Variants in ZNF574 observed in about 807,000 individuals in gnomAD.
The protein encoded by ZNF574 is zinc finger protein 574.
ZNF574 carries 25 observed loss-of-function variants against 56.6 expected under a neutral mutation model. The observed-to-expected ratio is 0.44, with a 90% CI of 0.32 to 0.62. The LOEUF (loss-of-function observed/expected upper bound fraction) is 0.62. Ranked by LOEUF, ZNF574 falls within the 20% of genes least tolerant of loss-of-function variation. ZNF574 has a pLI of 0.04. For missense variants in ZNF574, 1,065 were observed against 1,218.9 expected (o/e 0.87, Z 1.88); for synonymous variants, 543 against 492.1 (o/e 1.10, Z -1.37).
At chr19:42,078,457 C>A in intron 1 of ZNF574, 130 bp from the exon 2 acceptor site, 1 of 799,912 alleles carries the variant, frequency 1.3e-6, no homozygotes, top group Non-Finnish European at 2.0e-6. Flanking sequence ...GGGAGGGAGG[C>A]AGAATTTTAA....
In ZNF574 at chr19:42,069,083, G is replaced by A. The variant is rs2076385395; in HGVS notation, c.250+122G>A. On this transcript the variant is annotated intron_variant, in intron 1 of 1. Transcript: ENST00000222339. ...TGAGAAGAGGTCGAGGTGAATGGAC[G>A]CTGAGGAGATGGAGGGCGCAGAGCA... 5 of 455,242 alleles carry A rather than the reference G, an allele frequency of 1.1e-5. No individual in the cohort carries two copies. The South Asian group carries it at 1.3e-4, about 12-fold the overall frequency. 28.2% of individuals were successfully genotyped at this position (455,242 alleles called of 1,614,324 possible).
chr19:42,072,393 C>G (rs191141441), upstream of ZNF574, among the ~76,000 whole-genome samples: 2 of 151,628 alleles, frequency 1.3e-5, no homozygotes, highest in Non-Finnish European at 2.9e-5. Flanking sequence ...CACCACCACA[C>G]CCGGCTAACT....
At position 42,080,394 on chromosome 19, in the gene ZNF574, G is replaced by A; in HGVS notation, c.1788G>A (p.Met596Ile). Reference sequence around the variant, plus strand: ...TTCACCGTCCTTACCGCCTGCTCATGCACCGCTACCATCACACAGGTGAAT... The same window carrying A: ...TTCACCGTCCTTACCGCCTGCTCATACACCGCTACCATCACACAGGTGAAT... ...VRFHRPYRLLMHRYHHTGEYP... is the reference protein window; with the variant it reads ...VRFHRPYRLLIHRYHHTGEYP... The change falls in exon 2 of 2, where the codon ATG becomes ATA. Residue 596 changes from methionine (M) to isoleucine (I), a missense_variant. Met to Ile is a conservative substitution (Grantham distance 10). Coordinates refer to ENST00000359044, the MANE Select transcript of ZNF574 (RefSeq NM_022752.6). This position sits in a 1 kb window ranked among gnomAD's most constrained non-coding sequence, Gnocchi z 8.5. 1.2e-6 allele frequency: 2 copies of A among 1,614,242 alleles called. No individual in the cohort carries two copies. The highest frequency in any genetic ancestry group is 1.7e-6 in the Non-Finnish European group (2 of 1,180,036).
In ZNF574 at chr19:42,079,521, C is replaced by T; in HGVS notation, c.915C>T (p.Ala305=). Residue 305 remains alanine (A), a synonymous_variant, in exon 2 of 2, where the codon GCC becomes GCT. Coordinates refer to ENST00000359044, the MANE Select transcript of ZNF574 (RefSeq NM_022752.6). This position sits in a 1 kb window ranked among gnomAD's most constrained non-coding sequence, Gnocchi z 4.3. Reference sequence around the variant, plus strand: ...ACAGTGGAGAAGCAGGCGGGGCAGCCACACAGGAGCTCTTCTGCTCAGCCT... The same window carrying T: ...ACAGTGGAGAAGCAGGCGGGGCAGCTACACAGGAGCTCTTCTGCTCAGCCT... The part of the protein sequence containing the change: ...RNNSGEAGGA[A]TQELFCSACD... 6.2e-7 allele frequency: 1 copy of T among 1,614,006 alleles called. No individual in the cohort carries two copies. Among genetic ancestry groups the T allele is most frequent in the Non-Finnish European group, 8.5e-7 (1 of 1,180,030 alleles).
chr19:42,075,073 T>C (rs2076446760), upstream of ZNF574: 1 of 151,772 alleles, frequency 6.6e-6, no homozygotes, highest in African/African-American at 2.4e-5. Flanking sequence ...TTAGTAAAGA[T>C]GGTAGTTTCA....
chr19:42,080,439 G>A lies in ZNF574; in HGVS notation c.1833G>A (p.Glu611=), dbSNP rs746120157. 5.6e-6 allele frequency: 9 copies of A among 1,614,238 alleles called. No individual in the cohort carries two copies. The highest frequency in any genetic ancestry group is 7.6e-6 in the Non-Finnish European group (9 of 1,180,048). ...GTGAATACCCCTACAAGTGTCGCGA[G>A]TGCCCCCGCTCCTTCTTGCTGCGTC... ...HTGEYPYKCR[E]CPRSFLLRRL... Residue 611 remains glutamate (E), a synonymous_variant, in exon 2 of 2, where the codon GAG becomes GAA. Transcript: ENST00000359044. This position sits in a 1 kb window ranked among gnomAD's most constrained non-coding sequence, Gnocchi z 8.5.
intron 1 of ZNF574, among the ~76,000 whole-genome samples, chr19:42,078,250 T>C (rs2076469285): frequency 1.3e-5 from 2 of 151,898 alleles, no homozygotes; most frequent in African/African-American, 4.8e-5. Flanking sequence ...GAGTGGAGGT[T>C]CCCATGTGCT....
intron 1 of ZNF574, among the ~76,000 whole-genome samples, chr19:42,077,986 A>G (rs1599875697): frequency 6.6e-6 from 1 of 152,204 alleles, no homozygotes; most frequent in Non-Finnish European, 1.5e-5. Context: ...GTTGGTGGGT[A>G]GCAGGGGTTG....
upstream of ZNF574, among the ~76,000 whole-genome samples, chr19:42,074,111 C>T (rs1360161479): frequency 7.0e-6 from 1 of 142,576 alleles, no homozygotes; most frequent in East Asian, 2.0e-4. Flanking sequence ...CCAGCCTGGG[C>T]GGTGGGCGAC....
upstream of ZNF574, among the ~76,000 whole-genome samples, chr19:42,075,738 G>A (rs1475116832): frequency 6.6e-6 from 1 of 151,894 alleles, no homozygotes; most frequent in Non-Finnish European, 1.5e-5. Context: ...AAGGTGCCGC[G>A]TGCCTCAATT....
At chr19:42,069,147 C>T (rs1039230387) in intron 1 of ZNF574, 6 of 402,142 alleles carry the variant, frequency 1.5e-5, no homozygotes, top group South Asian at 9.7e-5. Context: ...GTCCGGAGAA[C>T]GGGGAGAATG....
At chr19:42,075,395 C>T (rs975167809), upstream of ZNF574, 1 of 152,334 alleles carries the variant, frequency 6.6e-6, no homozygotes, top group Non-Finnish European at 1.5e-5. Flanking sequence ...CCTTCAGGTC[C>T]TCTACCCACC....
chr19:42,076,694 G>T (rs1021600200), intron 1 of ZNF574, among the ~76,000 whole-genome samples: 9 of 152,218 alleles, frequency 5.9e-5, no homozygotes, highest in African/African-American at 1.2e-4. Flanking sequence ...TAGGGGCTTA[G>T]GGCGTGAGAA....
chr19:42,079,904 G>A lies in ZNF574; in HGVS notation c.1298G>A (p.Gly433Asp), dbSNP rs149107921. 914 of 1,613,822 alleles carry A rather than the reference G, an allele frequency of 5.7e-4. 3 individuals are homozygous for A. The highest frequency in any genetic ancestry group is 7.3e-4 in the Non-Finnish European group (867 of 1,180,014). The change falls in exon 2 of 2, where the codon GGT (glycine) becomes GAT (aspartate). Residue 433 changes from glycine to aspartate, a missense_variant. Transcript: ENST00000359044. The surrounding 1 kb of genome is among the most constrained non-coding windows in gnomAD (Gnocchi z 4.3). ...GTCCCACCAGAGGAACCTGTCATTG[G>A]TTTCCCTGAGCCAGCCCCAGCAGAG... ...TPVPPEEPVI[G>D]FPEPAPAETG...
rs1244587159 is a variant in ZNF574 at position 42,081,130 on chromosome 19, A to C, written c.2524A>C (p.Lys842Gln). 6.2e-7 allele frequency: 1 copy of C among 1,614,138 alleles called. No individual in the cohort carries two copies. Among genetic ancestry groups the C allele is most frequent in the Admixed American group, 1.7e-5 (1 of 60,034 alleles). ...CTTCTCCAACCTCTGGAAGCACCGC[A>C]AGACCCATCAGCAGCAGCATCAGGC... ...RSFSNLWKHR[K>Q]THQQQHQAAV... is the part of the protein sequence containing the mutation. Residue 842 changes from lysine to glutamine, a missense_variant, in exon 2 of 2, where the codon AAG becomes CAG. Physicochemically the swap from Lys to Gln is moderately conservative, Grantham distance 53. Coordinates refer to ENST00000359044, the MANE Select transcript of ZNF574 (RefSeq NM_022752.6).
chr19:42,077,852 C>T (rs1179911152), intron 1 of ZNF574, among the ~76,000 whole-genome samples: 3 of 151,764 alleles, frequency 2.0e-5, no homozygotes, highest in African/African-American at 7.3e-5. Context: ...AACAGGGCTG[C>T]GTATCATGAA....
chr19:42,071,497 C>T (rs2076421850), upstream of ZNF574, among the ~76,000 whole-genome samples: 2 of 152,248 alleles, frequency 1.3e-5, no homozygotes, highest in Admixed American at 1.3e-4. Context: ...GCACAGGAAG[C>T]CCTCTGCAAG....
Position 42,079,535 on chromosome 19 carries a change from TCTG to T in ZNF574, c.932_934del (p.Cys311del). The T allele has an allele frequency of 3.1e-6, 5 of 1,614,022 alleles. No individual in the cohort carries two copies. The highest frequency in any genetic ancestry group is 4.2e-6 in the Non-Finnish European group (5 of 1,180,024). Reference sequence around the variant, plus strand: ...GGCGGGGCAGCCACACAGGAGCTCTTCTGCTCAGCCTGTGACCAGCTCTTTCTC... The same window carrying T: ...GGCGGGGCAGCCACACAGGAGCTCTTCTCAGCCTGTGACCAGCTCTTTCTC... On this transcript the variant is annotated inframe_deletion, in exon 2 of 2. Coordinates refer to ENST00000359044, the MANE Select transcript of ZNF574 (RefSeq NM_022752.6). This position sits in a 1 kb window ranked among gnomAD's most constrained non-coding sequence, Gnocchi z 4.3.
chr19:42,079,392 T>C lies in ZNF574; in HGVS notation c.786T>C (p.Pro262=). 1.2e-6 allele frequency: 2 copies of C among 1,613,662 alleles called. No individual in the cohort carries two copies. The highest frequency in any genetic ancestry group is 8.5e-7 in the Non-Finnish European group (1 of 1,180,026). ...EVQASSPAEV[P]VSQPDPLPAS... is the part of the protein sequence containing the mutation. ...AGGCCTCGTCACCTGCAGAGGTGCCTGTGTCTCAGCCTGACCCCTTGCCAG... is the reference window on the plus strand; with the variant it reads ...AGGCCTCGTCACCTGCAGAGGTGCCCGTGTCTCAGCCTGACCCCTTGCCAG... Residue 262 remains proline, a synonymous_variant, in exon 2 of 2, where the codon CCT becomes CCC. Coordinates refer to ENST00000359044, the MANE Select transcript of ZNF574 (RefSeq NM_022752.6). The surrounding 1 kb of genome is among the most constrained non-coding windows in gnomAD (Gnocchi z 4.3).
Sources: gnomAD v4.1 joint callset for allele counts (sites outside exome capture counted in the v4.1 genomes callset) on GRCh38, gnomAD v4.1.1 for gene constraint, Gnocchi (gnomAD v3.1) non-coding constraint, MANE v1.5 for transcripts, NCBI Gene and HGNC (gene_info 2026-07-23, HGNC 2026-07-21) for gene names.